UBL3: variants seen among roughly 807,000 people sequenced by gnomAD.
UBL3 encodes ubiquitin-like protein 3.
In UBL3, 6 loss-of-function variants were observed where a neutral mutation model predicts 18.4. The observed-to-expected ratio is 0.33, with a 90% CI of 0.18 to 0.64. UBL3 has a LOEUF of 0.64. UBL3 is among the 30% of genes least tolerant of loss of function. The pLI is 0.76. For missense variants in UBL3, 109 were observed against 142.9 expected (o/e 0.76, Z 1.21); for synonymous variants, 49 against 46.6 (o/e 1.05, Z -0.21).
At chr13:29,793,590 T>C (rs1877536140) in intron 1 of UBL3, among the ~76,000 whole-genome samples, 3 of 152,226 alleles carry the variant, frequency 2.0e-5, no homozygotes, top group Admixed American at 2.0e-4. Context: ...TATAAATTAC[T>C]CAAATATTCT....
chr13:29,846,355 T>C (rs1042177857), intron 1 of UBL3, among the ~76,000 whole-genome samples: 3 of 152,120 alleles, frequency 2.0e-5, no homozygotes, highest in Admixed American at 1.3e-4. Context: ...AGGACATATA[T>C]ATTGCAGAAT....
At chr13:29,806,341 A>T (rs1877899767) in intron 1 of UBL3, among the ~76,000 whole-genome samples, 2 of 152,206 alleles carry the variant, frequency 1.3e-5, no homozygotes, top group South Asian at 4.1e-4. Flanking sequence ...TTATTGATTG[A>T]CTTACTTTTA....
chr13:29,771,500 C>G (rs1349517797), intron 3 of UBL3, among the ~76,000 whole-genome samples: 1 of 152,036 alleles, frequency 6.6e-6, no homozygotes, highest in African/African-American at 2.4e-5. Flanking sequence ...CCCTTCTTAA[C>G]CTATGAGGTA....
At chr13:29,829,909 C>G (rs1196252246) in intron 1 of UBL3, among the ~76,000 whole-genome samples, 2 of 152,184 alleles carry the variant, frequency 1.3e-5, no homozygotes, top group African/African-American at 4.8e-5. Context: ...AGTTACTCTT[C>G]TAGCTTAAAT....
At position 29,766,154 on chromosome 13, in the gene UBL3, CA is replaced by C. The variant is rs1345258406; in HGVS notation, c.*1100del. The stretch of plus-strand genomic sequence containing the variant: ...TTAGTGCTGTGCAAATTGTTTTTAG[CA>C]TATCAATCTTTAAATTATTGGTATG... On this transcript the variant is annotated 3_prime_UTR_variant, in exon 5 of 5. Coordinates refer to ENST00000380680, the MANE Select transcript of UBL3 (RefSeq NM_007106.4). 1 of 152,456 alleles carries C rather than the reference CA, an allele frequency of 6.6e-6. No homozygotes were observed. The highest frequency in any genetic ancestry group is 2.4e-5 in the African/African-American group (1 of 41,406). The allele number at this position is 152,456 out of a possible 1,614,324, so 9.4% of individuals were successfully genotyped here. A position where few individuals can be genotyped will look rare whatever the true frequency, so the allele number is the denominator to read the frequency against.
intron 2 of UBL3, among the ~76,000 whole-genome samples, chr13:29,775,337 T>C (rs2139309926): frequency 6.6e-6 from 1 of 152,242 alleles, no homozygotes; most frequent in East Asian, 1.9e-4. Context: ...ATAAAAATAA[T>C]TTAAGTCAGC....
Position 29,849,884 on chromosome 13 carries a change from G to A in UBL3, c.-346C>T. The A allele has an allele frequency of 4.5e-6, 2 of 448,654 alleles. No individual in the cohort carries two copies. Among genetic ancestry groups the A allele is most frequent in the Non-Finnish European group, 8.2e-6 (2 of 244,816 alleles). 27.8% of individuals were successfully genotyped at this position (448,654 alleles called of 1,614,324 possible). ...CACGGACATGGAGAGGGGTGGGAGG[G>A]GGTTAAATGCGCCTTCCTCCTTTCC... On this transcript the variant is annotated 5_prime_UTR_variant, in exon 1 of 5. Coordinates refer to ENST00000380680, the MANE Select transcript of UBL3 (RefSeq NM_007106.4).
intron 1 of UBL3, among the ~76,000 whole-genome samples, chr13:29,780,367 A>AAAAAAAAATATAT (rs1359464345): frequency 9.7e-5 from 10 of 103,304 alleles, no homozygotes; most frequent in East Asian, 3.8e-4. Flanking sequence ...AAAAAAAAAA[A>AAAAAAAAATATAT]ATATATATAT....
chr13:29,844,234 T>C (rs1242002040), intron 1 of UBL3, among the ~76,000 whole-genome samples: 4 of 152,126 alleles, frequency 2.6e-5, no homozygotes, highest in African/African-American at 9.7e-5. Context: ...CCAATTCACA[T>C]AGTATGAATA....
rs1032689827 is a variant in UBL3, at chr13:29,765,244, C to T, written c.*2011G>A. On this transcript the variant is annotated 3_prime_UTR_variant, in exon 5 of 5. Transcript: ENST00000380680. ...GAAAATAGGTATTAAAAATAATTAC[C>T]AGTAGTTTGTTTTACAAAATAGAGC... 13 of 151,762 alleles carry T rather than the reference C, an allele frequency of 8.6e-5. No homozygotes were observed. Among genetic ancestry groups the T allele is most frequent in the African/African-American group, 2.7e-4 (11 of 41,318 alleles). The allele number at this position is 151,762 out of a possible 1,614,324, so 9.4% of individuals were successfully genotyped here.
intron 2 of UBL3, 68 bp from the exon 3 acceptor site, chr13:29,772,266 T>TA: frequency 7.6e-7 from 1 of 1,314,750 alleles, no homozygotes; most frequent in Non-Finnish European, 1.1e-6. Flanking sequence ...TATATTGTTT[T>TA]AAAAATTCAG....
rs760385951 is a variant in UBL3 at position 29,767,613 on chromosome 13, C to T, written c.301+5G>A. ...ACTGAGATACTTTTCCAGTGCATGG[C>T]TTACCTTGAGAGTTTGGCTCTGGTA... On this transcript the variant is annotated splice_donor_5th_base_variant and intron_variant, in intron 4 of 4. Coordinates refer to ENST00000380680, the MANE Select transcript of UBL3 (RefSeq NM_007106.4). 6.2e-7 allele frequency: 1 copy of T among 1,612,592 alleles called. No individual in the cohort carries two copies. The highest frequency in any genetic ancestry group is 8.5e-7 in the Non-Finnish European group (1 of 1,179,098).
chr13:29,775,466 G>A (rs1876956654), intron 2 of UBL3, among the ~76,000 whole-genome samples: 1 of 152,106 alleles, frequency 6.6e-6, no homozygotes, highest in Non-Finnish European at 1.5e-5. Flanking sequence ...GTCAAAATAA[G>A]TCTTGTCCTT....
At chr13:29,780,367 A>AAAATATATAT (rs1359464345) in intron 1 of UBL3, among the ~76,000 whole-genome samples, 19 of 103,304 alleles carry the variant, frequency 1.8e-4, no homozygotes, top group African/African-American at 7.2e-4. Context: ...AAAAAAAAAA[A>AAAATATATAT]ATATATATAT....
rs375475850 is a variant in UBL3 at position 29,803,403 on chromosome 13, T to C, written c.28-26140A>G. On this transcript the variant is annotated intron_variant, in intron 1 of 4. Transcript: ENST00000380680. The stretch of plus-strand genomic sequence containing the variant: ...AGTCTACATGATAACCAGCTAACAA[T>C]ACAATGACAGGATCAAATCCACACA... Among the ~76,000 whole-genome samples, 17 of 151,974 alleles carry C rather than the reference T, an allele frequency of 1.1e-4. No homozygotes were observed. In the East Asian group the frequency reaches 1.9e-3, roughly 17 times the overall value.
intron 1 of UBL3, among the ~76,000 whole-genome samples, chr13:29,841,082 T>A (rs758435896): frequency 3.3e-5 from 5 of 152,120 alleles, no homozygotes; most frequent in Non-Finnish European, 5.9e-5. Context: ...ATAAGAACAT[T>A]TTGTCTAGAC....
intron 1 of UBL3, among the ~76,000 whole-genome samples, chr13:29,826,566 C>T (rs12515634): frequency 6.6e-6 from 1 of 151,576 alleles, no homozygotes; most frequent in East Asian, 1.9e-4. Flanking sequence ...TTTTTTATTG[C>T]TTCTATTTGA....
At chr13:29,798,952 G>C (rs1877686670) in intron 1 of UBL3, among the ~76,000 whole-genome samples, 1 of 152,140 alleles carries the variant, frequency 6.6e-6, no homozygotes, top group Non-Finnish European at 1.5e-5. Context: ...TTATTTTCCA[G>C]ATAAGGAAAC....
At chr13:29,835,100 ATATAT>A (rs1878893239) in intron 1 of UBL3, among the ~76,000 whole-genome samples, 1 of 20,074 alleles carries the variant, frequency 5.0e-5, no homozygotes, top group Non-Finnish European at 7.5e-5. Flanking sequence ...ATATATATAT[ATATAT>A]AAATATATAT....
Sources: gnomAD v4.1 joint callset for allele counts (sites outside exome capture counted in the v4.1 genomes callset) on GRCh38, gnomAD v4.1.1 for gene constraint, MANE v1.5 for transcripts, NCBI Gene and HGNC (gene_info 2026-07-23, HGNC 2026-07-21) for gene names.